The following GRID1 variants were observed in gnomAD, a reference collection of about 807,000 sequenced individuals.
GRID1 encodes the protein glutamate receptor ionotropic, delta-1.
A neutral mutation model predicts 98.0 loss-of-function variants in GRID1; 28 were observed. The ratio of observed to expected loss-of-function variants is 0.29; its 90% confidence interval spans 0.21 to 0.39. GRID1 has a LOEUF of 0.39. Among genes scored for constraint, GRID1 ranks in the 10% least tolerant of loss-of-function variants. The pLI is 1.00. For synonymous variants in GRID1, 553 were observed against 538.5 expected, an observed-to-expected ratio of 1.03 and a Z score of -0.37; for missense variants, 1,111 against 1,340.5, an observed-to-expected ratio of 0.83 and a Z score of 2.67.
intron 2 of GRID1, among the ~76,000 whole-genome samples, chr10:86,253,316 G>A (rs1247417175): frequency 6.6e-6 from 1 of 152,204 alleles, no homozygotes; most frequent in African/African-American, 2.4e-5. Flanking sequence ...CCAGGCTGGA[G>A]CCCCAGGACA....
At chr10:86,141,236 G>C (rs886377023) in intron 3 of GRID1, among the ~76,000 whole-genome samples, 4 of 152,146 alleles carry the variant, frequency 2.6e-5, no homozygotes, top group Non-Finnish European at 5.9e-5. Flanking sequence ...CAAGCCCCAG[G>C]CTGTCAACAC....
At chr10:85,901,487 A>G (rs553547759) in intron 5 of GRID1, among the ~76,000 whole-genome samples, 3 of 152,210 alleles carry the variant, frequency 2.0e-5, no homozygotes, top group Admixed American at 2.0e-4. Flanking sequence ...TGACCTCGTG[A>G]TCTGCCCGCC....
intron 4 of GRID1, among the ~76,000 whole-genome samples, chr10:85,962,266 C>A (rs1807951209): frequency 6.6e-6 from 1 of 152,184 alleles, no homozygotes; most frequent in African/African-American, 2.4e-5. Flanking sequence ...TCATTGCTCT[C>A]CCCTACAAAG....
At chr10:85,841,201 T>A (rs536894314) in intron 8 of GRID1, among the ~76,000 whole-genome samples, 1 of 152,166 alleles carries the variant, frequency 6.6e-6, no homozygotes, top group Admixed American at 6.6e-5. Context: ...TACAACTACC[T>A]GATCTTCAAC....
chr10:86,122,153 G>A (rs191109611), intron 4 of GRID1, among the ~76,000 whole-genome samples: 16 of 152,332 alleles, frequency 1.1e-4, no homozygotes, highest in African/African-American at 3.4e-4. Context: ...CACACATTAC[G>A]TCCTTTAAAC....
At chr10:86,118,340 T>C (rs1376845957) in intron 4 of GRID1, among the ~76,000 whole-genome samples, 1 of 151,752 alleles carries the variant, frequency 6.6e-6, no homozygotes. Context: ...GGGGAAAGGG[T>C]GGGGGCTGGC....
chr10:85,876,148 A>G (rs1448779071), intron 5 of GRID1, among the ~76,000 whole-genome samples: 4 of 152,172 alleles, frequency 2.6e-5, no homozygotes, highest in Non-Finnish European at 5.9e-5. Flanking sequence ...TTAACAAATT[A>G]TCATAAACTT....
At chr10:85,877,060 C>T (rs1001119496) in intron 5 of GRID1, among the ~76,000 whole-genome samples, 2 of 152,210 alleles carry the variant, frequency 1.3e-5, no homozygotes, top group Admixed American at 1.3e-4. Context: ...GGGGGAGGGG[C>T]GCCTGCCATT....
intron 3 of GRID1, among the ~76,000 whole-genome samples, chr10:86,140,509 C>T (rs1442267805): frequency 6.6e-6 from 1 of 152,242 alleles, no homozygotes; most frequent in Non-Finnish European, 1.5e-5. Flanking sequence ...ACAGGCTCAC[C>T]ACTAAGCGTA....
At chr10:85,834,544 C>A (rs1842896163) in intron 8 of GRID1, among the ~76,000 whole-genome samples, 3 of 152,038 alleles carry the variant, frequency 2.0e-5, no homozygotes, top group African/African-American at 7.2e-5. Flanking sequence ...TATATACTAT[C>A]CTTCTTCTTC....
intron 5 of GRID1, among the ~76,000 whole-genome samples, chr10:85,878,437 C>T (rs1287881706): frequency 6.6e-6 from 1 of 152,314 alleles, no homozygotes; most frequent in Non-Finnish European, 1.5e-5. Flanking sequence ...AGAAACTCTA[C>T]AAGCCAGAAG....
intron 8 of GRID1, among the ~76,000 whole-genome samples, chr10:85,751,606 G>A (rs897975961): frequency 3.3e-5 from 5 of 152,028 alleles, no homozygotes; most frequent in East Asian, 3.9e-4. Flanking sequence ...TTGAGGGCCC[G>A]TATAGGTAAA....
intron 4 of GRID1, among the ~76,000 whole-genome samples, chr10:86,023,011 C>T (rs1330410359): frequency 6.6e-6 from 1 of 151,998 alleles, no homozygotes; most frequent in East Asian, 1.9e-4. Context: ...TGTTGGGGGG[C>T]CACAGGATAT....
At chr10:86,364,899 C>A (rs755071272) in intron 1 of GRID1, among the ~76,000 whole-genome samples, 4 of 152,228 alleles carry the variant, frequency 2.6e-5, no homozygotes, top group Non-Finnish European at 1.5e-5. Context: ...GCGCTTTGTG[C>A]GCCTAGCACA....
At chr10:86,038,930 A>C (rs1215131468) in intron 4 of GRID1, among the ~76,000 whole-genome samples, 1 of 152,174 alleles carries the variant, frequency 6.6e-6, no homozygotes, top group African/African-American at 2.4e-5. Flanking sequence ...AGTCCAAGCC[A>C]ACGTTATTCT....
chr10:85,940,665 C>T (rs1350299713), intron 4 of GRID1, among the ~76,000 whole-genome samples: 3 of 152,202 alleles, frequency 2.0e-5, no homozygotes, highest in African/African-American at 7.2e-5. Context: ...CAATGGATTG[C>T]TTTAAATTTA....
At chr10:85,641,819 G>T (rs1043299718) in intron 13 of GRID1, among the ~76,000 whole-genome samples, 1 of 152,152 alleles carries the variant, frequency 6.6e-6, no homozygotes, top group Non-Finnish European at 1.5e-5. Flanking sequence ...AAGTTTCCAG[G>T]CCACCAGAGA....
intron 2 of GRID1, among the ~76,000 whole-genome samples, chr10:86,225,175 T>C (rs936438618): frequency 6.6e-6 from 1 of 152,088 alleles, no homozygotes; most frequent in African/African-American, 2.4e-5. Flanking sequence ...GGCTGACATT[T>C]CCCAGCCCCT....
chr10:86,346,368 G>T (rs1452850544), intron 2 of GRID1, among the ~76,000 whole-genome samples: 1 of 152,234 alleles, frequency 6.6e-6, no homozygotes, highest in African/African-American at 2.4e-5. Context: ...GACTGGTGCT[G>T]GCTGGCAGAG....
Sources: gnomAD v4.1 joint callset for allele counts (sites outside exome capture counted in the v4.1 genomes callset) on GRCh38, gnomAD v4.1.1 for gene constraint, MANE v1.5 for transcripts, NCBI Gene and HGNC (gene_info 2026-07-23, HGNC 2026-07-21) for gene names.